The following MTMR2 variants were observed in gnomAD, a reference collection of about 807,000 sequenced individuals.
MTMR2 encodes myotubularin related protein 2.
In MTMR2, 55 loss-of-function variants were observed where a neutral mutation model predicts 86.9. That is an observed-to-expected ratio of 0.63 (90% CI 0.51 to 0.79). The LOEUF (loss-of-function observed/expected upper bound fraction) is 0.79, where lower values mean the gene tolerates loss of function less well. MTMR2 is among the 30% of genes least tolerant of loss of function. The pLI, the probability that MTMR2 is intolerant of heterozygous loss-of-function variation, is 0.00. For missense variants in MTMR2, 659 were observed against 772.3 expected, an observed-to-expected ratio of 0.85 and a Z score of 1.74; for synonymous variants, 241 against 266.8, an observed-to-expected ratio of 0.90 and a Z score of 0.94.
At chr11:95,838,315 T>C (rs1157939125) in intron 12 of MTMR2, 108 bp from the exon 13 acceptor site, 1 of 708,360 alleles carries the variant, frequency 1.4e-6, no homozygotes, top group African/African-American at 1.7e-5. Flanking sequence ...AGTTAAACAT[T>C]CAAATCTACA....
At chr11:95,916,176 T>C (rs1866693962) in intron 1 of MTMR2, among the ~76,000 whole-genome samples, 1 of 152,144 alleles carries the variant, frequency 6.6e-6, no homozygotes, top group Non-Finnish European at 1.5e-5. Flanking sequence ...TTCTTTTAAA[T>C]GATTCATCTG....
At chr11:95,919,316 G>A (rs868543623) in intron 1 of MTMR2, among the ~76,000 whole-genome samples, 2 of 152,088 alleles carry the variant, frequency 1.3e-5, no homozygotes, top group African/African-American at 4.8e-5. Context: ...TTTAAGGCAG[G>A]CATGCAATTT....
Position 95,849,537 on chromosome 11 carries a change from CCAT to C in MTMR2, c.993+134_993+136del, listed in dbSNP as rs1419344539. On this transcript the variant is annotated intron_variant, in intron 9 of 14. Transcript: ENST00000346299. ...GTTAAATAACTAACTCAAAATCACA[CCAT>C]CAAGTTGAAGAGCCAAGACAAGAAC... 6.3e-6 allele frequency: 5 copies of C among 788,264 alleles called. No homozygotes were observed. The East Asian group carries it at 1.2e-4, about 20-fold the overall frequency. The allele number at this position is 788,264 out of a possible 1,614,324, so 48.8% of individuals were successfully genotyped here.
At chr11:95,889,601 C>T (rs926339862) in intron 1 of MTMR2, among the ~76,000 whole-genome samples, 6 of 152,054 alleles carry the variant, frequency 3.9e-5, no homozygotes, top group African/African-American at 9.7e-5. Context: ...AAACGATCCT[C>T]TCACTCAGCC....
At chr11:95,856,137 C>A (rs1161863543) in intron 7 of MTMR2, among the ~76,000 whole-genome samples, 1 of 151,662 alleles carries the variant, frequency 6.6e-6, no homozygotes, top group Non-Finnish European at 1.5e-5. Context: ...AAAACAATAC[C>A]CACACATATA....
intron 1 of MTMR2, among the ~76,000 whole-genome samples, chr11:95,900,077 T>C (rs1468776977): frequency 1.3e-5 from 2 of 152,098 alleles, no homozygotes; most frequent in African/African-American, 4.8e-5. Flanking sequence ...GATCACTGAA[T>C]AGACAACGGA....
intron 1 of MTMR2, among the ~76,000 whole-genome samples, chr11:95,919,874 A>T (rs1327376839): frequency 1.3e-5 from 2 of 152,186 alleles, no homozygotes; most frequent in Non-Finnish European, 2.9e-5. Context: ...TTACCATTTG[A>T]TTATGCACAA....
At chr11:95,881,516 A>C (rs920577377) in intron 2 of MTMR2, among the ~76,000 whole-genome samples, 27 of 152,148 alleles carry the variant, frequency 1.8e-4, no homozygotes, top group Non-Finnish European at 3.4e-4. Context: ...TAGCTTCTTT[A>C]ATAAAGTTTT....
chr11:95,840,866 TC>T lies in MTMR2; in HGVS notation c.1479+750del, dbSNP rs1472529967. Among the ~76,000 whole-genome samples, 4 of 152,142 alleles carry T rather than the reference TC, an allele frequency of 2.6e-5. No individual in the cohort carries two copies. The East Asian group carries it at 5.8e-4, about 22-fold the overall frequency. ...AATCTAAATAAAAACAATTCAGACT[TC>T]CAGTTGTTTTGGGGTCTAATAAACC... On this transcript the variant is annotated intron_variant, in intron 12 of 14. Coordinates refer to ENST00000346299, the MANE Select transcript of MTMR2 (RefSeq NM_016156.6).
intron 1 of MTMR2, among the ~76,000 whole-genome samples, chr11:95,911,474 G>C (rs1229670574): frequency 6.6e-6 from 1 of 152,136 alleles, no homozygotes; most frequent in Non-Finnish European, 1.5e-5. Context: ...GTGTCCCTGG[G>C]AGACAGGGGT....
rs183633936 is a variant in MTMR2, at chr11:95,863,471, G to A, written c.263-1105C>T. On this transcript the variant is annotated intron_variant, in intron 3 of 14. Transcript: ENST00000346299. ...ATAAACTACTTTTTTAAATCGTTTC[G>A]AATGCATATTTCATTTAGAGGGAAG... is the stretch of plus-strand genomic sequence containing the variant. 1.4e-3 allele frequency among the ~76,000 whole-genome samples: 212 copies of A among 152,096 alleles called. 2 individuals carry two copies. Among genetic ancestry groups the A allele is most frequent in the African/African-American group, 4.7e-3 (196 of 41,514 alleles).
chr11:95,865,939 T>C (rs764666034), intron 2 of MTMR2, among the ~76,000 whole-genome samples: 1 of 152,152 alleles, frequency 6.6e-6, no homozygotes, highest in Non-Finnish European at 1.5e-5. Context: ...TTGCACTGCA[T>C]CCTAAGACAG....
intron 9 of MTMR2, among the ~76,000 whole-genome samples, chr11:95,848,359 G>C (rs1482678418): frequency 6.6e-6 from 1 of 151,980 alleles, no homozygotes; most frequent in Non-Finnish European, 1.5e-5. Context: ...TCATATCTGA[G>C]AAATAAACTC....
chr11:95,877,362 T>TA (rs1865159569), intron 2 of MTMR2, among the ~76,000 whole-genome samples: 2 of 145,140 alleles, frequency 1.4e-5, no homozygotes, highest in African/African-American at 5.2e-5. Flanking sequence ...TTTTTTTTTT[T>TA]TATATAACAC....
intron 13 of MTMR2, 113 bp downstream of exon 13, chr11:95,837,981 A>G (rs944506669): frequency 1.4e-6 from 1 of 729,174 alleles, no homozygotes; most frequent in African/African-American, 1.7e-5. Flanking sequence ...AGCATGTAAG[A>G]TAAAGTATGA....
chr11:95,882,634 C>T (rs1242292774), intron 2 of MTMR2: 3 of 151,950 alleles, frequency 2.0e-5, no homozygotes, highest in Non-Finnish European at 4.4e-5. Context: ...CAAGACAAGA[C>T]AGATGGTTAA....
At chr11:95,836,411 C>A (rs981384605) in intron 13 of MTMR2, 87 bp from the exon 14 acceptor site, 36 of 1,264,628 alleles carry the variant, frequency 2.8e-5, no homozygotes, top group African/African-American at 4.4e-5. Context: ...ACTTTGTTGT[C>A]ATTAAAATCT....
At chr11:95,913,260 C>T (rs776007370) in intron 1 of MTMR2, among the ~76,000 whole-genome samples, 21 of 152,132 alleles carry the variant, frequency 1.4e-4, no homozygotes, top group Non-Finnish European at 2.5e-4. Flanking sequence ...AATCATGATG[C>T]TACATGGTAA....
At chr11:95,882,809 G>A (rs12797078) in intron 2 of MTMR2, among the ~76,000 whole-genome samples, 2 of 143,160 alleles carry the variant, frequency 1.4e-5, no homozygotes, top group East Asian at 2.1e-4. Context: ...TGCCAGCTCC[G>A]CCTCCCGGGT....
Sources: allele counts gnomAD v4.1 joint callset (sites outside exome capture counted in the v4.1 genomes callset), GRCh38; gene constraint gnomAD v4.1.1; transcripts MANE v1.5; gene names NCBI Gene and HGNC (gene_info 2026-07-23, HGNC 2026-07-21).